The following KCNQ2 variants were observed in gnomAD, a reference collection of about 807,000 sequenced individuals.
KCNQ2 encodes the protein potassium voltage-gated channel subfamily KQT member 2.
KCNQ2 carries 14 observed loss-of-function variants against 84.8 expected under a neutral mutation model. That is an observed-to-expected ratio of 0.17 (90% CI 0.11 to 0.26). The LOEUF is 0.26. Ranked by LOEUF, KCNQ2 falls within the 10% of genes least tolerant of loss-of-function variation. The pLI, the probability that KCNQ2 is intolerant of heterozygous loss-of-function variation, is 1.00. For synonymous variants in KCNQ2, 599 were observed against 554.1 expected (o/e 1.08, Z -1.14); for missense variants, 788 against 1,254.0 (o/e 0.63, Z 5.61).
intron 11 of KCNQ2, 78 bp downstream of exon 11, chr20:63,424,099 G>T: frequency 1.4e-6 from 2 of 1,471,790 alleles, no homozygotes; most frequent in Non-Finnish European, 1.9e-6. Flanking sequence ...CTCCATGACA[G>T]GTTGCGCACA....
At chr20:63,445,177 C>T in intron 3 of KCNQ2, 61 bp downstream of exon 3, 1 of 1,608,562 alleles carries the variant, frequency 6.2e-7, no homozygotes, top group South Asian at 1.1e-5. Flanking sequence ...CCCCCCAGGG[C>T]TGAGTCCGTC....
At position 63,405,735 on chromosome 20, in the gene KCNQ2, G is replaced by A. The variant is rs2079914572; in HGVS notation, c.*909C>T. 1 of 152,390 alleles carries A rather than the reference G, an allele frequency of 6.6e-6. No homozygotes were observed. The highest frequency in any genetic ancestry group is 6.5e-5 in the Admixed American group (1 of 15,290). The allele number at this position is 152,390 out of a possible 1,614,324, so 9.4% of individuals were successfully genotyped here. A position where few individuals can be genotyped will look rare whatever the true frequency, so the allele number is the denominator to read the frequency against. On this transcript the variant is annotated 3_prime_UTR_variant, in exon 17 of 17. Transcript: ENST00000359125. ...CCCGGCCAGGGCAGTCAGGAGAGAG[G>A]GGAGGACTTGGGGTCCTGCCCCCCC... is the stretch of plus-strand genomic sequence containing the variant.
In KCNQ2 at chr20:63,434,338, C is replaced by CG. The variant is rs541764789; in HGVS notation, c.1024-436dup. The CG allele has an allele frequency of 1.1e-3, 214 of 188,952 alleles. 4 individuals are homozygous for CG. In the South Asian group the frequency reaches 0.03, roughly 27 times the overall value. The allele number at this position is 188,952 out of a possible 1,614,324, so 11.7% of individuals were successfully genotyped here. The stretch of plus-strand genomic sequence containing the variant: ...GACCTCAGCCTCCAACCTCCCAGGG[C>CG]GGGGACTCAGCCCGGCTCGGGGCAT... On this transcript the variant is annotated intron_variant, in intron 7 of 16. Coordinates refer to ENST00000359125, the MANE Select transcript of KCNQ2 (RefSeq NM_172107.4).
chr20:63,412,191 C>A, intron 15 of KCNQ2: 1 of 306,880 alleles, frequency 3.3e-6, no homozygotes, highest in East Asian at 7.7e-5. Flanking sequence ...CCAGACAGGC[C>A]GCGGCGGGGC....
At position 63,424,206 on chromosome 20, in the gene KCNQ2, C is replaced by G; in HGVS notation, c.1218G>C (p.Arg406Ser). The G allele has an allele frequency of 6.4e-7, 1 of 1,555,008 alleles. No homozygotes were observed. The change falls in exon 11 of 17, where the codon AGG becomes AGC. Residue 406 changes from arginine (R) to serine (S), a missense_variant and splice_region_variant. By Grantham distance (110) the Arg-to-Ser change is moderately radical (BLOSUM62 -1). Transcript: ENST00000359125. ...GAGACGGCTCCGGCGGGGGGTCCTT[C>G]CTTCAAACAGAAGCAACAGAGAGTT... ...NLKSKSGLAF[R>S]KDPPPEPSPS...
chr20:63,444,641 C>A lies in KCNQ2; in HGVS notation c.690+18G>T. The A allele has an allele frequency of 6.5e-7, 1 of 1,535,570 alleles. No individual in the cohort carries two copies. The highest frequency in any genetic ancestry group is 1.2e-5 in the South Asian group (1 of 83,054). On this transcript the variant is annotated intron_variant, in intron 4 of 16. Transcript: ENST00000359125. ...CTGGCTGGGGGCGCCCACCGCCAGC[C>A]TTGGGGCCGTGACTCACCTTGCTGT...
rs1479903347 is a variant in KCNQ2, at chr20:63,446,419, C to A, written c.387+328G>T. ...CCACGTCTGCCGTCTGCTGGGGACG[C>A]CCCACATCTCCGGCTCCAGAGATAA... On this transcript the variant is annotated intron_variant, in intron 2 of 16. Transcript: ENST00000359125. The surrounding 1 kb of genome is among the most constrained non-coding windows in gnomAD (Gnocchi z 5.5). Among the ~76,000 whole-genome samples the A allele has an allele frequency of 6.6e-6, 1 of 152,178 alleles. No homozygotes were observed. The highest frequency in any genetic ancestry group is 1.5e-5 in the Non-Finnish European group (1 of 68,018).
Position 63,400,621 on chromosome 20 carries a change from G to C in KCNQ2, c.*6023C>G, listed in dbSNP as rs2079789460. The C allele has an allele frequency of 2.5e-6, 1 of 398,538 alleles. No homozygotes were observed. The highest frequency in any genetic ancestry group is 4.4e-6 in the Non-Finnish European group (1 of 226,068). The allele number at this position is 398,538 out of a possible 1,614,324, so 24.7% of individuals were successfully genotyped here. ...TCTTTGGAGCATGAACAAAAGTGCA[G>C]ACAGCCAGAGGCAACGGCGCAAATG... On this transcript the variant is annotated 3_prime_UTR_variant, in exon 17 of 17. Transcript: ENST00000359125. This position sits in a 1 kb window ranked among gnomAD's most constrained non-coding sequence, Gnocchi z 8.7.
At position 63,421,063 on chromosome 20, in the gene KCNQ2, C is replaced by A. The variant is rs966644535; in HGVS notation, c.1248-1391G>T. ...GCACCACCCAGGCCCAAGCACAGAG[C>A]CCCTGCCTGGAGGGCCCCAGGAGAC... On this transcript the variant is annotated intron_variant, in intron 11 of 16. Coordinates refer to ENST00000359125, the MANE Select transcript of KCNQ2 (RefSeq NM_172107.4). Among the ~76,000 whole-genome samples, 13 of 152,196 alleles carry A rather than the reference C, an allele frequency of 8.5e-5. No individual in the cohort carries two copies. The East Asian group carries it at 2.1e-3, about 25-fold the overall frequency.
In KCNQ2 at chr20:63,457,103, G is replaced by A. The variant is rs577950134; in HGVS notation, c.297-10266C>T. Among the ~76,000 whole-genome samples the A allele has an allele frequency of 7.2e-5, 11 of 152,358 alleles. No individual in the cohort carries two copies. In the South Asian group the frequency reaches 2.1e-3, roughly 29 times the overall value. The stretch of plus-strand genomic sequence containing the variant: ...TCCCACCTCAGAAGTGACGGGCGCG[G>A]GCGCCGCTGACAGAGTCCAGGCGTG... On this transcript the variant is annotated intron_variant, in intron 1 of 16. Coordinates refer to ENST00000359125, the MANE Select transcript of KCNQ2 (RefSeq NM_172107.4).
intron 7 of KCNQ2, among the ~76,000 whole-genome samples, chr20:63,436,771 A>T (rs569375879): frequency 7.0e-6 from 1 of 142,574 alleles, no homozygotes; most frequent in Non-Finnish European, 1.5e-5. Context: ...TGGTATAAAC[A>T]TAACTTTTTT....
chr20:63,452,628 C>T (rs2081647612), intron 1 of KCNQ2, among the ~76,000 whole-genome samples: 1 of 152,232 alleles, frequency 6.6e-6, no homozygotes, highest in Admixed American at 6.5e-5. Flanking sequence ...GGGGCCTCGG[C>T]CAGAGGCCTG....
chr20:63,404,929 C>T lies in KCNQ2; in HGVS notation c.*1715G>A, dbSNP rs2079892420. ...GGAGGCACCTCAATGGCGACAGGGC[C>T]TGGGAGTGCCCTGGCCGGGCTGGGG... On this transcript the variant is annotated 3_prime_UTR_variant, in exon 17 of 17. Transcript: ENST00000359125. 6.6e-6 allele frequency: 1 copy of T among 152,274 alleles called. No individual in the cohort carries two copies. Among genetic ancestry groups the T allele is most frequent in the Non-Finnish European group, 1.5e-5 (1 of 68,086 alleles). The allele number at this position is 152,274 out of a possible 1,614,324, so 9.4% of individuals were successfully genotyped here. A position where few individuals can be genotyped will look rare whatever the true frequency, so the allele number is the denominator to read the frequency against.
intron 1 of KCNQ2, among the ~76,000 whole-genome samples, chr20:63,455,036 G>A (rs2081737780): frequency 6.6e-6 from 1 of 152,200 alleles, no homozygotes; most frequent in Non-Finnish European, 1.5e-5. Flanking sequence ...GCCCCCTCCT[G>A]CCCAGGCAGC....
At position 63,414,534 on chromosome 20, in the gene KCNQ2, C is replaced by A. The variant is rs1164383500; in HGVS notation, c.1526-341G>T. On this transcript the variant is annotated intron_variant, in intron 13 of 16. Coordinates refer to ENST00000359125, the MANE Select transcript of KCNQ2 (RefSeq NM_172107.4). This position sits in a 1 kb window ranked among gnomAD's most constrained non-coding sequence, Gnocchi z 6.6. Reference sequence around the variant, plus strand: ...TGAGGCTCAGTGAAGGAAGCCAGACCCAACGGCCCCACGTGGGAGCCGCAG... The same window carrying A: ...TGAGGCTCAGTGAAGGAAGCCAGACACAACGGCCCCACGTGGGAGCCGCAG... 6.6e-6 allele frequency among the ~76,000 whole-genome samples: 1 copy of A among 152,038 alleles called. No homozygotes were observed. The highest frequency in any genetic ancestry group is 6.5e-5 in the Admixed American group (1 of 15,270).
Position 63,408,682 on chromosome 20 carries a change from A to G in KCNQ2, c.1764-146T>C. 2 of 1,272,374 alleles carry G rather than the reference A, an allele frequency of 1.6e-6. No individual in the cohort carries two copies. The highest frequency in any genetic ancestry group is 2.2e-6 in the Non-Finnish European group (2 of 908,978). The allele number at this position is 1,272,374 out of a possible 1,614,324, so 78.8% of individuals were successfully genotyped here. A position where few individuals can be genotyped will look rare whatever the true frequency, so the allele number is the denominator to read the frequency against. ...ACCAGGGGGCAGTGGGTGCCAGGAC[A>G]GATGGACGGGGTGCGCCCCGTTCTC... On this transcript the variant is annotated intron_variant, in intron 15 of 16. Coordinates refer to ENST00000359125, the MANE Select transcript of KCNQ2 (RefSeq NM_172107.4). The surrounding 1 kb of genome is among the most constrained non-coding windows in gnomAD (Gnocchi z 5.0).
At position 63,407,847 on chromosome 20, in the gene KCNQ2, C is replaced by T. The variant is rs539847784; in HGVS notation, c.1888-472G>A. ...GAGCAGCTCTTCCTCCTTCCCAGAC[C>T]CCTAGGGGCAAAGCCTCCAGCTCCA... On this transcript the variant is annotated intron_variant, in intron 16 of 16. Transcript: ENST00000359125. This position sits in a 1 kb window ranked among gnomAD's most constrained non-coding sequence, Gnocchi z 7.2. The T allele has an allele frequency of 9.8e-6, 2 of 203,536 alleles. No homozygotes were observed. Among genetic ancestry groups the T allele is most frequent in the East Asian group, 1.3e-4 (1 of 7,678 alleles). The allele number at this position is 203,536 out of a possible 1,614,324, so 12.6% of individuals were successfully genotyped here.
chr20:63,419,776 C>T, intron 11 of KCNQ2, 104 bp from the exon 12 acceptor site: 1 of 1,034,270 alleles, frequency 9.7e-7, no homozygotes, highest in South Asian at 1.4e-5. Context: ...TGTGTGCAGT[C>T]CCCAGCGGCA....
Position 63,405,079 on chromosome 20 carries a change from C to T in KCNQ2, c.*1565G>A, listed in dbSNP as rs2079897788. On this transcript the variant is annotated 3_prime_UTR_variant, in exon 17 of 17. Coordinates refer to ENST00000359125, the MANE Select transcript of KCNQ2 (RefSeq NM_172107.4). ...GACCCTCAAATGCTGCTTTCAAAGTCCTCTCCCTCAGGACTGGTTCCCCTG... is the reference window on the plus strand; with the variant it reads ...GACCCTCAAATGCTGCTTTCAAAGTTCTCTCCCTCAGGACTGGTTCCCCTG... 1.3e-5 allele frequency: 2 copies of T among 152,254 alleles called. No individual in the cohort carries two copies. The highest frequency in any genetic ancestry group is 4.8e-5 in the African/African-American group (2 of 41,444). The allele number at this position is 152,254 out of a possible 1,614,324, so 9.4% of individuals were successfully genotyped here.
Sources: allele counts gnomAD v4.1 joint callset (sites outside exome capture counted in the v4.1 genomes callset), GRCh38; gene constraint gnomAD v4.1.1; non-coding constraint Gnocchi (gnomAD v3.1); transcripts MANE v1.5; gene names NCBI Gene and HGNC (gene_info 2026-07-23, HGNC 2026-07-21).